The following PTPRD variants were observed in gnomAD, a reference collection of about 807,000 sequenced individuals.
PTPRD encodes protein tyrosine phosphatase receptor type D.
PTPRD carries 34 observed loss-of-function variants against 214.5 expected under a neutral mutation model. The ratio of observed to expected loss-of-function variants is 0.16; its 90% CI spans 0.12 to 0.21. The LOEUF (loss-of-function observed/expected upper bound fraction) is 0.21. Among genes scored for constraint, PTPRD ranks in the 10% least tolerant of loss-of-function variants. The pLI is 1.00. For missense variants in PTPRD, 2,545 were observed against 2,398.7 expected, an observed-to-expected ratio of 1.06 and a Z score of -1.27; for synonymous variants, 1,128 against 845.7, an observed-to-expected ratio of 1.33 and a Z score of -5.79.
chr9:9,487,214 C>G (rs1332890775), intron 8 of PTPRD, among the ~76,000 whole-genome samples: 2 of 151,874 alleles, frequency 1.3e-5, no homozygotes, highest in Non-Finnish European at 2.9e-5. Flanking sequence ...TCCCCCTTCC[C>G]CCCACCCAAC....
intron 8 of PTPRD, among the ~76,000 whole-genome samples, chr9:9,479,096 T>C (rs1330944197): frequency 6.6e-6 from 1 of 152,088 alleles, no homozygotes. Flanking sequence ...ATGTGTACTT[T>C]ACTCATTGCC....
chr9:9,360,878 G>T (rs995682796), intron 9 of PTPRD, among the ~76,000 whole-genome samples: 7 of 151,024 alleles, frequency 4.6e-5, no homozygotes, highest in African/African-American at 1.7e-4. Flanking sequence ...TTCACTTGGT[G>T]ACAGGGAAAT....
At chr9:8,798,557 T>G (rs760921745) in intron 11 of PTPRD, among the ~76,000 whole-genome samples, 2 of 152,186 alleles carry the variant, frequency 1.3e-5, no homozygotes, top group Non-Finnish European at 2.9e-5. Flanking sequence ...AAGAATAGCT[T>G]CCTGTTGCAT....
chr9:9,581,970 G>C (rs780167227), intron 7 of PTPRD, among the ~76,000 whole-genome samples: 3 of 152,214 alleles, frequency 2.0e-5, no homozygotes. Flanking sequence ...GGTTACTAAT[G>C]TTTAATAACT....
intron 11 of PTPRD, among the ~76,000 whole-genome samples, chr9:8,914,137 C>G (rs534563659): frequency 2.0e-5 from 3 of 152,164 alleles, no homozygotes; most frequent in Admixed American, 6.5e-5. Context: ...GATTTGACCT[C>G]TAGAGTGGAT....
intron 14 of PTPRD, among the ~76,000 whole-genome samples, chr9:8,547,109 A>G (rs1042787567): frequency 7.2e-5 from 11 of 152,228 alleles, no homozygotes; most frequent in African/African-American, 2.7e-4. Flanking sequence ...AGACACAGGC[A>G]TAAATATTGT....
At chr9:9,910,959 A>G (rs1240904485) in intron 5 of PTPRD, among the ~76,000 whole-genome samples, 2 of 148,640 alleles carry the variant, frequency 1.3e-5, no homozygotes, top group Admixed American at 6.8e-5. Flanking sequence ...TTTCTTTAGA[A>G]ACTACTTGCT....
chr9:8,317,285 C>A lies in PTPRD; in HGVS notation c.*589G>T, dbSNP rs1474331115. Reference sequence around the variant, plus strand: ...AGTTATGTAACTTTTTTAAAATTCACTTTATCGAATGATACATTTTGTTAA... The same window carrying A: ...AGTTATGTAACTTTTTTAAAATTCAATTTATCGAATGATACATTTTGTTAA... On this transcript the variant is annotated 3_prime_UTR_variant, in exon 46 of 46. Coordinates refer to ENST00000381196, the MANE Select transcript of PTPRD (RefSeq NM_002839.4). 1.3e-5 allele frequency: 3 copies of A among 232,040 alleles called. No homozygotes were observed. The highest frequency in any genetic ancestry group is 2.6e-5 in the Non-Finnish European group (3 of 117,170). The allele number at this position is 232,040 out of a possible 1,614,324, so 14.4% of individuals were successfully genotyped here.
chr9:9,425,815 A>G (rs969211369), intron 8 of PTPRD, among the ~76,000 whole-genome samples: 4 of 152,156 alleles, frequency 2.6e-5, no homozygotes, highest in African/African-American at 9.7e-5. Flanking sequence ...TTCACCACTA[A>G]TTTAAGAAGA....
At chr9:9,998,129 A>AAAAATAT (rs57991748) in intron 4 of PTPRD, among the ~76,000 whole-genome samples, 2 of 91,492 alleles carry the variant, frequency 2.2e-5, no homozygotes, top group African/African-American at 5.9e-5. Flanking sequence ...AAAAAAAAAA[A>AAAAATAT]ATATATATAT....
intron 5 of PTPRD, among the ~76,000 whole-genome samples, chr9:9,788,395 C>CA (rs1226523406): frequency 1.3e-5 from 2 of 150,740 alleles, no homozygotes; most frequent in African/African-American, 4.9e-5. Context: ...ACTAAAAATA[C>CA]AAAAAAATTA....
chr9:9,160,120 A>G (rs550804560), intron 10 of PTPRD, among the ~76,000 whole-genome samples: 8 of 152,186 alleles, frequency 5.3e-5, no homozygotes, highest in Non-Finnish European at 8.8e-5. Flanking sequence ...GCTCTGCAAC[A>G]TTGTTCTGGG....
At chr9:10,251,984 A>T (rs1000296784) in intron 3 of PTPRD, among the ~76,000 whole-genome samples, 6 of 152,310 alleles carry the variant, frequency 3.9e-5, no homozygotes, top group Admixed American at 6.5e-5. Flanking sequence ...TAGTTTGTAA[A>T]CATACGCACC....
intron 5 of PTPRD, among the ~76,000 whole-genome samples, chr9:9,791,654 C>T (rs1048928313): frequency 4.6e-5 from 7 of 152,048 alleles, no homozygotes; most frequent in African/African-American, 1.7e-4. Flanking sequence ...AGGAAGAATC[C>T]ATTTTTGTTT....
At chr9:10,229,561 A>T (rs1173994050) in intron 3 of PTPRD, among the ~76,000 whole-genome samples, 2 of 152,054 alleles carry the variant, frequency 1.3e-5, no homozygotes, top group Non-Finnish European at 2.9e-5. Context: ...AGGGACATGG[A>T]TGAAGCTGGA....
At chr9:10,148,440 T>C (rs1314550207) in intron 3 of PTPRD, among the ~76,000 whole-genome samples, 1 of 152,142 alleles carries the variant, frequency 6.6e-6, no homozygotes, top group Non-Finnish European at 1.5e-5. Context: ...ATGAAAGAAA[T>C]AGAACTTCAT....
At chr9:9,246,616 T>G (rs2099973167) in intron 9 of PTPRD, among the ~76,000 whole-genome samples, 1 of 152,088 alleles carries the variant, frequency 6.6e-6, no homozygotes, top group South Asian at 2.1e-4. Flanking sequence ...TTCTTTCATT[T>G]TCATAGAAAT....
At chr9:8,637,140 C>T (rs1017211628) in intron 12 of PTPRD, among the ~76,000 whole-genome samples, 1 of 152,038 alleles carries the variant, frequency 6.6e-6, no homozygotes, top group African/African-American at 2.4e-5. Context: ...TTTTTATTAC[C>T]AGTATATAAA....
chr9:8,948,465 TTACATA>T (rs1334660616), intron 11 of PTPRD, among the ~76,000 whole-genome samples: 126 of 6,710 alleles, frequency 0.019, 18 homozygotes, highest in African/African-American at 0.04. Context: ...ATATATATAT[TTACATA>T]TATATATATT....
Sources: allele counts gnomAD v4.1 joint callset (sites outside exome capture counted in the v4.1 genomes callset), GRCh38; gene constraint gnomAD v4.1.1; transcripts MANE v1.5; gene names NCBI Gene and HGNC (gene_info 2026-07-23, HGNC 2026-07-21).